XKR6: variants seen among roughly 807,000 people sequenced by gnomAD.
XKR6 encodes XK related 6, also known as XK-related protein 6.
A neutral mutation model predicts 56.7 loss-of-function variants in XKR6; 22 were observed. That is an observed-to-expected ratio of 0.39 (90% CI 0.28 to 0.55). The LOEUF (loss-of-function observed/expected upper bound fraction) is 0.55. Ranked by LOEUF, XKR6 falls within the 20% of genes least tolerant of loss-of-function variation. XKR6 has a pLI of 0.66. For missense variants in XKR6, 852 were observed against 889.0 expected (o/e 0.96, Z 0.53); for synonymous variants, 524 against 387.8 (o/e 1.35, Z -4.13).
intron 2 of XKR6, among the ~76,000 whole-genome samples, chr8:10,906,117 G>C (rs189410300): frequency 1.3e-5 from 2 of 152,328 alleles, no homozygotes; most frequent in East Asian, 3.9e-4. Context: ...CCAGAATCTG[G>C]ATCTGCATGT....
At chr8:11,175,531 T>G (rs1216142129) in intron 1 of XKR6, 1 of 152,210 alleles carries the variant, frequency 6.6e-6, no homozygotes, top group African/African-American at 2.4e-5. Context: ...AAAAGATACC[T>G]GAGAAGAAAC....
intron 1 of XKR6, among the ~76,000 whole-genome samples, chr8:11,059,675 T>C (rs1232825062): frequency 2.4e-5 from 3 of 125,366 alleles, no homozygotes; most frequent in African/African-American, 1.3e-4. Flanking sequence ...GCGGGACAGG[T>C]GCGGCGGGCG....
At chr8:11,140,917 C>G (rs56229563) in intron 1 of XKR6, among the ~76,000 whole-genome samples, 4 of 119,152 alleles carry the variant, frequency 3.4e-5, no homozygotes, top group Non-Finnish European at 7.1e-5. Flanking sequence ...AAAAAAAAAA[C>G]CTTCCTGAGA....
At chr8:10,951,296 TG>T (rs1463791851) in intron 1 of XKR6, among the ~76,000 whole-genome samples, 2 of 90,004 alleles carry the variant, frequency 2.2e-5, no homozygotes, top group African/African-American at 1.1e-4. Flanking sequence ...TGTGTGTGTG[TG>T]TGGGGGGGGG....
intron 1 of XKR6, among the ~76,000 whole-genome samples, chr8:11,016,660 T>A (rs1360294875): frequency 3.3e-5 from 5 of 152,000 alleles, no homozygotes; most frequent in Non-Finnish European, 5.9e-5. Flanking sequence ...CTGCCACGGA[T>A]GACGACGCCC....
chr8:11,022,269 C>T (rs1798764819), intron 1 of XKR6, among the ~76,000 whole-genome samples: 1 of 151,938 alleles, frequency 6.6e-6, no homozygotes, highest in Non-Finnish European at 1.5e-5. Context: ...GCCTTAGCAT[C>T]CCTGGGAAAG....
At chr8:11,023,168 G>A (rs1386784396) in intron 1 of XKR6, among the ~76,000 whole-genome samples, 2 of 152,204 alleles carry the variant, frequency 1.3e-5, no homozygotes, top group Non-Finnish European at 2.9e-5. Context: ...TGGAAAGCTG[G>A]GGAGGGCCCT....
chr8:11,139,342 G>A (rs1327045338), intron 1 of XKR6, among the ~76,000 whole-genome samples: 1 of 152,152 alleles, frequency 6.6e-6, no homozygotes, highest in Admixed American at 6.5e-5. Flanking sequence ...GCACACGCAG[G>A]TAGGGAGGCA....
At chr8:11,069,863 G>T (rs2129166656) in intron 1 of XKR6, among the ~76,000 whole-genome samples, 1 of 152,302 alleles carries the variant, frequency 6.6e-6, no homozygotes, top group South Asian at 2.1e-4. Context: ...GAGCTTCTAG[G>T]AAAACATCAG....
chr8:11,086,133 A>AATATATATATATATATATATATATAT (rs138365092), intron 1 of XKR6, among the ~76,000 whole-genome samples: 40 of 90,086 alleles, frequency 4.4e-4, no homozygotes, highest in African/African-American at 2.2e-3. Flanking sequence ...TTAAAAAGAA[A>AATATATATATATATATATATATATAT]ATATATATAT....
intron 1 of XKR6, among the ~76,000 whole-genome samples, chr8:11,055,721 T>A (rs1034383879): frequency 2.6e-5 from 4 of 151,952 alleles, no homozygotes; most frequent in South Asian, 2.1e-4. Flanking sequence ...GCACATGGGC[T>A]TTCCAGAATG....
intron 1 of XKR6, among the ~76,000 whole-genome samples, chr8:11,024,083 T>G (rs56800361): frequency 0.03 from 4,518 of 152,186 alleles, 244 homozygotes; most frequent in African/African-American, 0.1. Context: ...TAAATGACAA[T>G]CAATTTCCAA....
intron 1 of XKR6, among the ~76,000 whole-genome samples, chr8:11,152,745 A>C (rs1431108682): frequency 2.0e-5 from 3 of 152,254 alleles, no homozygotes; most frequent in African/African-American, 7.2e-5. Flanking sequence ...GTTGATCCTC[A>C]ACTAGCTTGT....
intron 1 of XKR6, among the ~76,000 whole-genome samples, chr8:10,950,539 T>C (rs1801687475): frequency 6.6e-6 from 1 of 152,190 alleles, no homozygotes; most frequent in African/African-American, 2.4e-5. Context: ...CAAGGGTCTC[T>C]TGTTGGATTC....
chr8:11,054,551 A>C (rs1799633263), intron 1 of XKR6, among the ~76,000 whole-genome samples: 1 of 152,212 alleles, frequency 6.6e-6, no homozygotes. Flanking sequence ...TCCACCTGGC[A>C]ATGTTATAAG....
intron 1 of XKR6, among the ~76,000 whole-genome samples, chr8:11,071,648 T>G (rs1437373368): frequency 1.3e-5 from 2 of 150,444 alleles, no homozygotes; most frequent in Non-Finnish European, 3.0e-5. Flanking sequence ...CCCGAGTCCA[T>G]GAGCCCCGAG....
chr8:10,984,406 T>C (rs1797803935), intron 1 of XKR6, among the ~76,000 whole-genome samples: 1 of 152,138 alleles, frequency 6.6e-6, no homozygotes, highest in Non-Finnish European at 1.5e-5. Flanking sequence ...CTATTATCAA[T>C]ACAGATTTTT....
chr8:11,200,857 G>A lies in XKR6; in HGVS notation c.483C>T (p.Tyr161=), dbSNP rs755294867. 1.7e-5 allele frequency: 28 copies of A among 1,611,902 alleles called. No homozygotes were observed. The highest frequency in any genetic ancestry group is 8.9e-5 in the East Asian group (4 of 44,786). The change falls in exon 1 of 3, where the codon TAC becomes TAT. Residue 161 remains tyrosine (Y), a synonymous_variant. Transcript: ENST00000416569. The surrounding 1 kb of genome is among the most constrained non-coding windows in gnomAD (Gnocchi z 6.4). ...LDYYRKGDYV[Y]FGLTLFFVLV... ...GCACGAAGAAGAGGGTCAGCCCGAA[G>A]TAGACGTAGTCCCCCTTGCGGTAGT...
intron 1 of XKR6, among the ~76,000 whole-genome samples, chr8:11,182,260 G>C (rs1803028852): frequency 6.6e-6 from 1 of 152,302 alleles, no homozygotes; most frequent in East Asian, 1.9e-4. Context: ...GACGTCGTAG[G>C]ATGGGGAATT....
Sources: allele counts gnomAD v4.1 joint callset (sites outside exome capture counted in the v4.1 genomes callset), GRCh38; gene constraint gnomAD v4.1.1; non-coding constraint Gnocchi (gnomAD v3.1); transcripts MANE v1.5; gene names NCBI Gene and HGNC (gene_info 2026-07-23, HGNC 2026-07-21).